Variants in COL27A1 observed in about 807,000 individuals in gnomAD.
The protein encoded by COL27A1 is collagen alpha-1(XXVII) chain.
COL27A1 carries 106 observed loss-of-function variants against 251.3 expected under a neutral mutation model. The observed-to-expected ratio is 0.42, with a 90% CI of 0.36 to 0.50. COL27A1 has a LOEUF of 0.50. Among genes scored for constraint, COL27A1 ranks in the 20% least tolerant of loss-of-function variants. The probability of loss-of-function intolerance (pLI) is 0.00; values close to 1 mark genes in which losing one functional copy is unlikely to be tolerated. For synonymous variants in COL27A1, 1,000 were observed against 986.3 expected, an observed-to-expected ratio of 1.01 and a Z score of -0.26; for missense variants, 2,325 against 2,522.8, an observed-to-expected ratio of 0.92 and a Z score of 1.68.
chr9:114,290,791 C>A lies in COL27A1; in HGVS notation c.4369-19C>A. 6.5e-7 allele frequency: 1 copy of A among 1,529,766 alleles called. No homozygotes were observed. The highest frequency in any genetic ancestry group is 8.8e-7 in the Non-Finnish European group (1 of 1,132,768). The allele number at this position is 1,529,766 out of a possible 1,614,324, so 94.8% of individuals were successfully genotyped here. ...ATCGTGAAACACAAGAGACCCTCCT[C>A]TGCCTGCTTTCTTAACAGGGGGAGC... On this transcript the variant is annotated intron_variant, in intron 47 of 60. Coordinates refer to ENST00000356083, the MANE Select transcript of COL27A1 (RefSeq NM_032888.4). This position sits in a 1 kb window ranked among gnomAD's most constrained non-coding sequence, Gnocchi z 4.6.
At chr9:114,211,162 T>C in intron 12 of COL27A1, 136 bp downstream of exon 12, 1 of 917,198 alleles carries the variant, frequency 1.1e-6, no homozygotes, top group African/African-American at 1.6e-5. Flanking sequence ...CATGTGGGGT[T>C]GTCTGGCCAC....
At position 114,282,274 on chromosome 9, in the gene COL27A1, C is replaced by T. The variant is rs1399922568; in HGVS notation, c.3718-3C>T. ...TCTTGCTCTGTCCCTCCTCTCTCTTCAGGGTCCTGAAGGAAAATCAGGGAA... is the reference window on the plus strand; with the variant it reads ...TCTTGCTCTGTCCCTCCTCTCTCTTTAGGGTCCTGAAGGAAAATCAGGGAA... On this transcript the variant is annotated splice_polypyrimidine_tract_variant and splice_region_variant and intron_variant, in intron 37 of 60. Coordinates refer to ENST00000356083, the MANE Select transcript of COL27A1 (RefSeq NM_032888.4). 1 of 1,613,478 alleles carries T rather than the reference C, an allele frequency of 6.2e-7. No homozygotes were observed. Among genetic ancestry groups the T allele is most frequent in the East Asian group, 2.2e-5 (1 of 44,872 alleles).
intron 27 of COL27A1, 70 bp downstream of exon 27, chr9:114,253,002 G>A (rs1224718344): frequency 8.0e-7 from 1 of 1,243,792 alleles, no homozygotes; most frequent in African/African-American, 1.5e-5. Flanking sequence ...TGGGTGTGGT[G>A]GCTCACACCT....
Position 114,310,554 on chromosome 9 carries a change from A to G in COL27A1, c.5442A>G (p.Gln1814=), listed in dbSNP as rs1490739050. The G allele has an allele frequency of 1.9e-6, 3 of 1,614,124 alleles. No homozygotes were observed. Among genetic ancestry groups the G allele is most frequent in the South Asian group, 2.2e-5 (2 of 91,086 alleles). The change falls in exon 61 of 61, where the codon CAA becomes CAG. Residue 1814 remains glutamine, a synonymous_variant. Transcript: ENST00000356083. ...PEVSMDGCKV[Q]DGRWHQTLFT... ...ACTTTTCCTTCTGCCTTCAGGTCCA[A>G]GATGGCCGCTGGCATCAGACACTCT...
At chr9:114,206,814 C>CA (rs1352822879) in intron 10 of COL27A1, among the ~76,000 whole-genome samples, 3 of 152,208 alleles carry the variant, frequency 2.0e-5, no homozygotes, top group African/African-American at 7.2e-5. Flanking sequence ...CCTCAGTTGC[C>CA]TACCTCTACA....
At chr9:114,198,953 C>T (rs1564458299) in intron 7 of COL27A1, among the ~76,000 whole-genome samples, 1 of 152,286 alleles carries the variant, frequency 6.6e-6, no homozygotes, top group East Asian at 1.9e-4. Flanking sequence ...GGCTGGCACA[C>T]GGCTGGCACT....
chr9:114,202,777 G>C (rs1431968133), intron 7 of COL27A1, among the ~76,000 whole-genome samples: 1 of 151,954 alleles, frequency 6.6e-6, no homozygotes. Flanking sequence ...CATGGAGCCA[G>C]CCCTGTGTTC....
chr9:114,174,477 G>C (rs1228166614), intron 3 of COL27A1, among the ~76,000 whole-genome samples: 1 of 152,166 alleles, frequency 6.6e-6, no homozygotes, highest in Non-Finnish European at 1.5e-5. Context: ...ACAGCAGAGA[G>C]GGCACAGGGA....
intron 35 of COL27A1, among the ~76,000 whole-genome samples, chr9:114,269,614 CAAAAAAAAAAA>C (rs552967033): frequency 0.016 from 1,134 of 69,234 alleles, 18 homozygotes; most frequent in Non-Finnish European, 0.023. Context: ...GACTCCATCT[CAAAAAAAAAAA>C]AAAAAAAAAA....
At chr9:114,306,736 T>C in intron 58 of COL27A1, 48 bp downstream of exon 58, 2 of 1,591,204 alleles carry the variant, frequency 1.3e-6, no homozygotes, top group South Asian at 1.1e-5. Context: ...GGTGGGGAGC[T>C]GGGGCAGGTG....
At chr9:114,210,575 G>A (rs1408105127) in intron 11 of COL27A1, among the ~76,000 whole-genome samples, 4 of 152,090 alleles carry the variant, frequency 2.6e-5, no homozygotes, top group African/African-American at 4.8e-5. Context: ...GATGGTGTGG[G>A]AGCTTCTCAC....
At chr9:114,265,563 A>G in intron 32 of COL27A1, 88 bp downstream of exon 32, 2 of 1,373,288 alleles carry the variant, frequency 1.5e-6, no homozygotes, top group Admixed American at 3.5e-5. Flanking sequence ...GAAGGGTTGG[A>G]AAGGGACCAT....
intron 16 of COL27A1, among the ~76,000 whole-genome samples, chr9:114,235,347 T>A (rs1832297834): frequency 6.6e-6 from 1 of 152,210 alleles, no homozygotes; most frequent in African/African-American, 2.4e-5. Flanking sequence ...AGTGGGCAGC[T>A]TAGCTTCTGT....
At chr9:114,227,941 G>A (rs1459249067) in intron 14 of COL27A1, among the ~76,000 whole-genome samples, 1 of 152,178 alleles carries the variant, frequency 6.6e-6, no homozygotes, top group Non-Finnish European at 1.5e-5. Context: ...TCCCGGAAAT[G>A]CTTTTGTAGC....
intron 34 of COL27A1, 115 bp downstream of exon 34, chr9:114,267,672 C>A: frequency 4.1e-6 from 4 of 968,564 alleles, no homozygotes; most frequent in Non-Finnish European, 6.2e-6. Flanking sequence ...ATAATGGGTT[C>A]TCTGTGCTCC....
chr9:114,196,747 G>A (rs898040170), intron 7 of COL27A1, among the ~76,000 whole-genome samples: 14 of 152,152 alleles, frequency 9.2e-5, no homozygotes, highest in African/African-American at 7.2e-5. Context: ...GGAGTTACCT[G>A]TCCAAACGCC....
At chr9:114,222,162 G>A in intron 13 of COL27A1, 61 bp from the exon 14 acceptor site, 1 of 1,475,504 alleles carries the variant, frequency 6.8e-7, no homozygotes, top group Non-Finnish European at 9.5e-7. Context: ...GGATGACATG[G>A]AGGGAGGGGC....
At chr9:114,161,191 C>T (rs1236094577) in intron 1 of COL27A1, among the ~76,000 whole-genome samples, 1 of 152,052 alleles carries the variant, frequency 6.6e-6, no homozygotes, top group Admixed American at 6.5e-5. Context: ...GCAGCAGCTC[C>T]GAGCAGTATG....
intron 27 of COL27A1, 125 bp from the exon 28 acceptor site, chr9:114,258,416 G>A (rs899494840): frequency 3.7e-5 from 34 of 926,376 alleles, no homozygotes; most frequent in Middle Eastern, 2.2e-4. Context: ...CTGGGGCCCC[G>A]GCAGCTTCTG....
Sources: gnomAD v4.1 joint callset for allele counts (sites outside exome capture counted in the v4.1 genomes callset) on GRCh38, gnomAD v4.1.1 for gene constraint, Gnocchi (gnomAD v3.1) non-coding constraint, MANE v1.5 for transcripts, NCBI Gene and HGNC (gene_info 2026-07-23, HGNC 2026-07-21) for gene names.